Variants in MPPED2 observed in about 807,000 individuals in gnomAD.
MPPED2 encodes metallophosphoesterase MPPED2.
MPPED2 carries 5 observed loss-of-function variants against 33.0 expected under a neutral mutation model. The observed-to-expected ratio is 0.15, with a 90% CI of 0.08 to 0.32. The LOEUF is 0.32. Ranked by LOEUF, MPPED2 falls within the 10% of genes least tolerant of loss-of-function variation. The pLI, the probability that MPPED2 is intolerant of heterozygous loss-of-function variation, is 1.00. For missense variants in MPPED2, 275 were observed against 372.1 expected (o/e 0.74, Z 2.15); for synonymous variants, 136 against 141.9 (o/e 0.96, Z 0.29).
intron 4 of MPPED2, among the ~76,000 whole-genome samples, chr11:30,481,948 G>A (rs1951507184): frequency 6.6e-6 from 1 of 152,088 alleles, no homozygotes; most frequent in South Asian, 2.1e-4. Context: ...ATCTTTGAAT[G>A]GGATAATCTG....
intron 4 of MPPED2, among the ~76,000 whole-genome samples, chr11:30,463,998 G>A (rs1022380830): frequency 1.8e-4 from 27 of 152,002 alleles, no homozygotes; most frequent in South Asian, 4.1e-4. Context: ...AATTCAAAGA[G>A]ACATTTAAAC....
chr11:30,445,136 GAA>G (rs907914443), intron 4 of MPPED2, among the ~76,000 whole-genome samples: 2 of 150,766 alleles, frequency 1.3e-5, no homozygotes, highest in African/African-American at 4.9e-5. Context: ...CTGTGACAAA[GAA>G]AAAAAAATAA....
intron 4 of MPPED2, among the ~76,000 whole-genome samples, chr11:30,427,933 A>G (rs1337090367): frequency 6.6e-6 from 1 of 152,182 alleles, no homozygotes; most frequent in African/African-American, 2.4e-5. Context: ...CATGGATGGA[A>G]GAATTTGGAG....
intron 4 of MPPED2, among the ~76,000 whole-genome samples, chr11:30,421,322 T>C (rs1948600931): frequency 6.6e-6 from 1 of 152,192 alleles, no homozygotes; most frequent in African/African-American, 2.4e-5. Flanking sequence ...ACCTATGGTC[T>C]ATATTTATAG....
intron 3 of MPPED2, among the ~76,000 whole-genome samples, chr11:30,519,222 TCATACCACTG>T (rs1034266902): frequency 2.3e-4 from 35 of 152,182 alleles, no homozygotes; most frequent in African/African-American, 8.4e-4. Context: ...TAAGTGGTGA[TCATACCACTG>T]CACTCCAGCC....
At chr11:30,407,903 G>A (rs111590286), downstream of MPPED2, among the ~76,000 whole-genome samples, 648 of 151,630 alleles carry the variant, frequency 4.3e-3, 6 homozygotes, top group African/African-American at 0.015. Flanking sequence ...AAATAAATAA[G>A]TAAATAAAAT....
At chr11:30,567,374 G>A (rs771384747) in intron 2 of MPPED2, among the ~76,000 whole-genome samples, 18 of 152,304 alleles carry the variant, frequency 1.2e-4, no homozygotes, top group Non-Finnish European at 2.4e-4. Context: ...TTTAGGGCAA[G>A]AGTTTCATGT....
At chr11:30,514,821 G>A (rs1457013400) in intron 3 of MPPED2, among the ~76,000 whole-genome samples, 2 of 152,110 alleles carry the variant, frequency 1.3e-5, no homozygotes, top group Non-Finnish European at 2.9e-5. Context: ...AAAACTTTAG[G>A]TCTGGCGCAA....
At chr11:30,507,860 A>AAGTACGT (rs1306113886) in intron 3 of MPPED2, among the ~76,000 whole-genome samples, 1 of 152,208 alleles carries the variant, frequency 6.6e-6, no homozygotes, top group Non-Finnish European at 1.5e-5. Context: ...AAGCAGTAAA[A>AAGTACGT]AGTACGTAGT....
chr11:30,487,571 T>A (rs1482756113), intron 4 of MPPED2, among the ~76,000 whole-genome samples: 1 of 151,974 alleles, frequency 6.6e-6, no homozygotes, highest in Admixed American at 6.6e-5. Flanking sequence ...AACATCGACC[T>A]CCCAGACTCA....
intron 4 of MPPED2, among the ~76,000 whole-genome samples, chr11:30,446,072 C>A (rs1949795095): frequency 6.6e-6 from 1 of 152,158 alleles, no homozygotes; most frequent in Non-Finnish European, 1.5e-5. Flanking sequence ...CATGGACCAC[C>A]CAGTATTTCA....
chr11:30,414,431 T>A (rs1296214129), intron 5 of MPPED2, 90 bp from the exon 6 acceptor site: 1 of 816,722 alleles, frequency 1.2e-6, no homozygotes, highest in African/African-American at 1.7e-5. Context: ...TCACAGAAGG[T>A]TTATTACATT....
intron 6 of MPPED2, among the ~76,000 whole-genome samples, chr11:30,389,859 A>G (rs1301732491): frequency 6.6e-6 from 1 of 152,200 alleles, no homozygotes; most frequent in Non-Finnish European, 1.5e-5. Flanking sequence ...ACCAGATAAC[A>G]TAACACAGCA....
chr11:30,506,797 A>G (rs1952845989), intron 3 of MPPED2, among the ~76,000 whole-genome samples: 1 of 152,192 alleles, frequency 6.6e-6, no homozygotes, highest in South Asian at 2.1e-4. Flanking sequence ...TTTTGTAATA[A>G]CTACTGTCAT....
chr11:30,498,169 G>A (rs555928511), intron 3 of MPPED2, among the ~76,000 whole-genome samples: 2 of 151,950 alleles, frequency 1.3e-5, no homozygotes, highest in African/African-American at 4.8e-5. Context: ...CAGGCAAAGA[G>A]GTGCCTGCCT....
At chr11:30,504,765 AGAC>A in intron 3 of MPPED2, 1 of 1,288,940 alleles carries the variant, frequency 7.8e-7, no homozygotes, top group Non-Finnish European at 1.0e-6. Context: ...CAGCAGGTTC[AGAC>A]TGCTACCTTC....
chr11:30,502,477 A>G (rs1469642349), intron 3 of MPPED2, among the ~76,000 whole-genome samples: 2 of 152,182 alleles, frequency 1.3e-5, no homozygotes, highest in Non-Finnish European at 2.9e-5. Context: ...ATCCTGGCTT[A>G]ATTAAAACAT....
intron 2 of MPPED2, among the ~76,000 whole-genome samples, chr11:30,545,448 A>G (rs778628377): frequency 1.3e-5 from 2 of 152,186 alleles, no homozygotes; most frequent in Non-Finnish European, 2.9e-5. Flanking sequence ...AATGAACTAC[A>G]ACATCCTACA....
chr11:30,542,537 A>G (rs573901148), intron 2 of MPPED2, among the ~76,000 whole-genome samples: 132 of 151,730 alleles, frequency 8.7e-4, no homozygotes, highest in African/African-American at 3.0e-3. Flanking sequence ...GGCTGAGGTA[A>G]GAGGATCACT....
Sources: allele counts gnomAD v4.1 joint callset (sites outside exome capture counted in the v4.1 genomes callset), GRCh38; gene constraint gnomAD v4.1.1; transcripts MANE v1.5; gene names NCBI Gene and HGNC (gene_info 2026-07-23, HGNC 2026-07-21).